Variants in COA1 observed in about 807,000 individuals in gnomAD.
COA1 encodes cytochrome c oxidase assembly factor 1 homolog.
In COA1, 13 loss-of-function variants were observed where a neutral mutation model predicts 16.0. The observed-to-expected ratio is 0.81, with a 90% CI of 0.53 to 1.29. The LOEUF (loss-of-function observed/expected upper bound fraction) is 1.29, where lower values mean the gene tolerates loss of function less well. COA1 is among the 50% of genes most tolerant of loss of function. The probability of loss-of-function intolerance (pLI) is 0.00; values close to 1 mark genes in which losing one functional copy is unlikely to be tolerated. For missense variants in COA1, 179 were observed against 177.0 expected, an observed-to-expected ratio of 1.01 and a Z score of -0.06; for synonymous variants, 65 against 65.7, an observed-to-expected ratio of 0.99 and a Z score of 0.05.
At chr7:43,713,795 T>C (rs1052130710) in intron 1 of COA1, among the ~76,000 whole-genome samples, 5 of 152,178 alleles carry the variant, frequency 3.3e-5, no homozygotes, top group Non-Finnish European at 7.4e-5. Context: ...TTCCAGCACT[T>C]TGGGAGGCCA....
intron 3 of COA1, chr7:43,646,719 G>A (rs890988457): frequency 1.4e-5 from 6 of 424,760 alleles, no homozygotes; most frequent in Admixed American, 4.9e-5. Flanking sequence ...TCCTGGGAAC[G>A]CTCATCTCAG....
At chr7:43,638,182 T>A (rs1232402572), downstream of COA1, among the ~76,000 whole-genome samples, 1 of 151,914 alleles carries the variant, frequency 6.6e-6, no homozygotes, top group Non-Finnish European at 1.5e-5. Flanking sequence ...AGATAACTTG[T>A]AACAACTGAA....
At chr7:43,711,568 C>CT (rs1308122145) in intron 1 of COA1, 2 of 152,198 alleles carry the variant, frequency 1.3e-5, no homozygotes, top group Admixed American at 1.3e-4. Flanking sequence ...AGTCATGTGT[C>CT]ACCTAACAAT....
At chr7:43,630,130 A>G (rs775957707) in intron 6 of COA1, among the ~76,000 whole-genome samples, 1 of 152,180 alleles carries the variant, frequency 6.6e-6, no homozygotes, top group Non-Finnish European at 1.5e-5. Flanking sequence ...GAAGGCCCGT[A>G]CAGCCTAAGG....
chr7:43,702,873 G>A (rs774522141), intron 1 of COA1, among the ~76,000 whole-genome samples: 6 of 151,952 alleles, frequency 3.9e-5, no homozygotes, highest in African/African-American at 9.7e-5. Context: ...TTTGGTTATC[G>A]CTTTTCTTCT....
intron 1 of COA1, among the ~76,000 whole-genome samples, chr7:43,702,895 G>C (rs1463114610): frequency 6.6e-6 from 1 of 152,006 alleles, no homozygotes; most frequent in Middle Eastern, 3.2e-3. Context: ...CTAGTTTTGA[G>C]GTTGGTTTGC....
At chr7:43,700,272 T>C (rs923094721) in intron 1 of COA1, among the ~76,000 whole-genome samples, 4 of 146,938 alleles carry the variant, frequency 2.7e-5, no homozygotes, top group African/African-American at 4.8e-5. Context: ...ATGCTTTTGA[T>C]AGCTGTTGAA....
chr7:43,618,758 C>G (rs918881674), intron 6 of COA1, among the ~76,000 whole-genome samples: 1 of 152,112 alleles, frequency 6.6e-6, no homozygotes, highest in Non-Finnish European at 1.5e-5. Flanking sequence ...CTCACTGATT[C>G]TGTGGCTCTG....
At chr7:43,719,264 G>A (rs1294229737) in intron 1 of COA1, among the ~76,000 whole-genome samples, 2 of 152,038 alleles carry the variant, frequency 1.3e-5, no homozygotes, top group Non-Finnish European at 2.9e-5. Context: ...CACCACACCT[G>A]GCCAAGAAGA....
chr7:43,646,787 G>A (rs1392467311), intron 3 of COA1: 2 of 321,174 alleles, frequency 6.2e-6, no homozygotes, highest in Admixed American at 7.5e-5. Flanking sequence ...AAAGGCTGGA[G>A]AGGACACTGG....
intron 1 of COA1, among the ~76,000 whole-genome samples, chr7:43,726,757 C>T (rs1479088115): frequency 1.3e-4 from 20 of 152,146 alleles, no homozygotes; most frequent in Admixed American, 1.3e-3. Flanking sequence ...TTTAAAAGAA[C>T]GGTAGCATAA....
intron 1 of COA1, among the ~76,000 whole-genome samples, chr7:43,680,125 A>C (rs572628144): frequency 6.6e-6 from 1 of 152,280 alleles, no homozygotes; most frequent in South Asian, 2.1e-4. Context: ...CTAATTCTGC[A>C]TCAGTAAAGT....
chr7:43,691,439 AAG>A (rs1491253905), intron 1 of COA1, among the ~76,000 whole-genome samples: 5 of 133,660 alleles, frequency 3.7e-5, no homozygotes, highest in East Asian at 2.1e-4. Flanking sequence ...GAAAGAAAGA[AAG>A]AAAGAAAGAA....
Position 43,647,622 on chromosome 7 carries a change from T to C in COA1, c.28A>G (p.Arg10Gly), listed in dbSNP as rs914339091. 8 of 1,612,354 alleles carry C rather than the reference T, an allele frequency of 5.0e-6. No homozygotes were observed. Among genetic ancestry groups the C allele is most frequent in the Non-Finnish European group, 6.8e-6 (8 of 1,178,872 alleles). ...CTTGCTCCCAGAGGCATTGACCGCC[T>C]GCTTCCTGCATACTTAAAAACAAAA... MMWQKYAGS[R>G]RSMPLGARIL... The change falls in exon 3 of 6, where the codon AGG becomes GGG. Residue 10 changes from arginine to glycine, a missense_variant. By Grantham distance (125) the Arg-to-Gly change is moderately radical (BLOSUM62 -2). Coordinates refer to ENST00000223336, the MANE Select transcript of COA1 (RefSeq NM_018224.4).
downstream of COA1, among the ~76,000 whole-genome samples, chr7:43,636,095 A>C (rs2085829032): frequency 6.6e-6 from 1 of 152,218 alleles, no homozygotes; most frequent in Non-Finnish European, 1.5e-5. Context: ...GCAAAGTCAG[A>C]TTTCACTTCG....
chr7:43,725,853 C>T (rs1334710095), intron 1 of COA1, among the ~76,000 whole-genome samples: 1 of 150,684 alleles, frequency 6.6e-6, no homozygotes, highest in Non-Finnish European at 1.5e-5. Context: ...GAGCGAAACT[C>T]CATCTCAAAA....
chr7:43,646,675 G>T, intron 3 of COA1: 1 of 454,646 alleles, frequency 2.2e-6, no homozygotes, highest in Admixed American at 2.4e-5. Context: ...TTTGGCAGAG[G>T]GAAGAGGAGG....
chr7:43,692,526 AAAC>A (rs913551258), intron 1 of COA1, among the ~76,000 whole-genome samples: 24 of 152,080 alleles, frequency 1.6e-4, no homozygotes, highest in South Asian at 8.3e-4. Flanking sequence ...TTAAAAAACA[AAAC>A]AACAACAACA....
intron 1 of COA1, among the ~76,000 whole-genome samples, chr7:43,672,976 G>A (rs540810076): frequency 7.2e-5 from 11 of 152,108 alleles, no homozygotes; most frequent in Non-Finnish European, 1.5e-4. Context: ...ACAGAAGATT[G>A]AAACTGGACT....
Sources: gnomAD v4.1 joint callset for allele counts (sites outside exome capture counted in the v4.1 genomes callset) on GRCh38, gnomAD v4.1.1 for gene constraint, MANE v1.5 for transcripts, NCBI Gene and HGNC (gene_info 2026-07-23, HGNC 2026-07-21) for gene names.